Variants in PRRX2 observed in about 807,000 individuals in gnomAD.
PRRX2 encodes paired related homeobox 2.
Under a neutral mutation model 18.0 loss-of-function variants are expected in PRRX2, and 11 were observed. The ratio of observed to expected loss-of-function variants is 0.61; its 90% CI spans 0.39 to 1.01. PRRX2 has a LOEUF of 1.01. Among genes scored for constraint, PRRX2 ranks in the 50% least tolerant of loss-of-function variants. PRRX2 has a pLI of 0.01. For missense variants in PRRX2, 387 were observed against 351.0 expected (o/e 1.10, Z -0.82); for synonymous variants, 177 against 154.8 (o/e 1.14, Z -1.06).
At chr9:129,707,716 A>C (rs1294287112) in intron 1 of PRRX2, among the ~76,000 whole-genome samples, 1 of 150,810 alleles carries the variant, frequency 6.6e-6, no homozygotes, top group Non-Finnish European at 1.5e-5. Context: ...GCTTGAACCC[A>C]GGAGGAGGAG....
chr9:129,717,230 C>CTTTGT (rs938390388), intron 1 of PRRX2, among the ~76,000 whole-genome samples: 3 of 151,872 alleles, frequency 2.0e-5, no homozygotes, highest in Non-Finnish European at 2.9e-5. Flanking sequence ...TTGTCTTTGT[C>CTTTGT]TTTGTTTTGT....
rs1832696141 is a variant in PRRX2, at chr9:129,715,747, T to TCTCTCTCTC, written c.260-3484_260-3483insCTCTCTCTC. Among the ~76,000 whole-genome samples the TCTCTCTCTC allele has an allele frequency of 8.9e-6, 1 of 112,684 alleles. No individual in the cohort carries two copies. The highest frequency in any genetic ancestry group is 3.3e-5 in the African/African-American group (1 of 30,636). 73.9% of individuals were successfully genotyped at this position (112,684 alleles called of 152,430 possible). On this transcript the variant is annotated intron_variant, in intron 1 of 3. Transcript: ENST00000372469. The surrounding 1 kb of genome is among the most constrained non-coding windows in gnomAD (Gnocchi z 4.0). ...TCCAAACCCAGCTTCAGGGACATCT[T>TCTCTCTCTC]TCTCACACACACACACACACACACA... is the stretch of plus-strand genomic sequence containing the variant.
Position 129,695,384 on chromosome 9 carries a change from G to C in PRRX2, c.260-23847G>C, listed in dbSNP as rs940698245. Among the ~76,000 whole-genome samples the C allele has an allele frequency of 6.6e-6, 1 of 152,258 alleles. No homozygotes were observed. Among genetic ancestry groups the C allele is most frequent in the Non-Finnish European group, 1.5e-5 (1 of 68,050 alleles). ...GGAAACTGTCTTTTCAAAGAGAGAGGCTGCGGAAATGGCAGATGCTTGAAG... is the reference window on the plus strand; with the variant it reads ...GGAAACTGTCTTTTCAAAGAGAGAGCCTGCGGAAATGGCAGATGCTTGAAG... On this transcript the variant is annotated intron_variant, in intron 1 of 3. Transcript: ENST00000372469. This position sits in a 1 kb window ranked among gnomAD's most constrained non-coding sequence, Gnocchi z 4.8.
intron 1 of PRRX2, among the ~76,000 whole-genome samples, chr9:129,689,783 T>C (rs60202559): frequency 6.6e-6 from 1 of 151,914 alleles, no homozygotes; most frequent in Non-Finnish European, 1.5e-5. Context: ...GACGGAGTCT[T>C]ACTCTTTCGC....
intron 1 of PRRX2, among the ~76,000 whole-genome samples, chr9:129,668,708 C>T (rs1397482523): frequency 8.7e-5 from 12 of 137,932 alleles, no homozygotes; most frequent in South Asian, 2.3e-4. Context: ...ACCCGGGAGG[C>T]GGAGGTTGCA....
intron 1 of PRRX2, among the ~76,000 whole-genome samples, chr9:129,679,556 G>A (rs531352597): frequency 2.6e-5 from 4 of 152,174 alleles, no homozygotes; most frequent in Non-Finnish European, 2.9e-5. Context: ...CAGTAAGTAC[G>A]TGGGGGCACC....
rs1247523364 is a variant in PRRX2 at position 129,665,821 on chromosome 9, A to T, written c.-47A>T. 7 of 1,020,762 alleles carry T rather than the reference A, an allele frequency of 6.9e-6. No homozygotes were observed. The highest frequency in any genetic ancestry group is 5.8e-5 in the Admixed American group (1 of 17,358). 63.2% of individuals were successfully genotyped at this position (1,020,762 alleles called of 1,614,324 possible). A position where few individuals can be genotyped will look rare whatever the true frequency, so the allele number is the denominator to read the frequency against. The stretch of plus-strand genomic sequence containing the variant: ...ACCCGCGCCCGCGACCCTTCCTGGG[A>T]CCCGAGCCCGAGACCCCCGCCGGCC... On this transcript the variant is annotated 5_prime_UTR_variant, in exon 1 of 4. Transcript: ENST00000372469. The surrounding 1 kb of genome is among the most constrained non-coding windows in gnomAD (Gnocchi z 5.3).
chr9:129,683,310 A>G (rs1832257089), intron 1 of PRRX2, among the ~76,000 whole-genome samples: 1 of 152,178 alleles, frequency 6.6e-6, no homozygotes, highest in Admixed American at 6.5e-5. Flanking sequence ...AGATATTGAC[A>G]TTTCCATTTT....
chr9:129,719,525 C>T, intron 2 of PRRX2, 107 bp downstream of exon 2: 1 of 1,313,708 alleles, frequency 7.6e-7, no homozygotes, highest in Non-Finnish European at 9.9e-7. Flanking sequence ...TGAGCAGGAG[C>T]ATCTGAGGCC....
In PRRX2 at chr9:129,719,294, G is replaced by C; in HGVS notation, c.323G>C (p.Arg108Pro). Residue 108 changes from arginine (R) to proline (P), a missense_variant, in exon 2 of 4, where the codon CGC (arginine) becomes CCC (proline). By Grantham distance (103) the Arg-to-Pro change is moderately radical (BLOSUM62 -2). Transcript: ENST00000372469. ...AKRKKKQRRN[R>P]TTFNSSQLQA... ...CGGAAGAAGAAGCAGCGGCGGAACC[G>C]CACCACGTTCAACAGCAGCCAACTG... The C allele has an allele frequency of 6.2e-7, 1 of 1,610,560 alleles. No homozygotes were observed. Among genetic ancestry groups the C allele is most frequent in the Non-Finnish European group, 8.5e-7 (1 of 1,178,934 alleles).
intron 1 of PRRX2, among the ~76,000 whole-genome samples, chr9:129,672,944 A>G (rs952843020): frequency 1.3e-5 from 2 of 151,886 alleles, no homozygotes; most frequent in Non-Finnish European, 2.9e-5. Context: ...TTTTCCGAAC[A>G]CCTATAATGT....
At chr9:129,692,561 C>G (rs1832374454) in intron 1 of PRRX2, among the ~76,000 whole-genome samples, 1 of 152,190 alleles carries the variant, frequency 6.6e-6, no homozygotes, top group South Asian at 2.1e-4. Flanking sequence ...GCCTCTTCAT[C>G]CGTCCCTCCT....
At chr9:129,704,105 C>T (rs1832531419) in intron 1 of PRRX2, among the ~76,000 whole-genome samples, 1 of 152,232 alleles carries the variant, frequency 6.6e-6, no homozygotes, top group Non-Finnish European at 1.5e-5. Flanking sequence ...TACAACATTG[C>T]ATGCAAACTT....
chr9:129,684,506 A>C (rs996031739), intron 1 of PRRX2, among the ~76,000 whole-genome samples: 2 of 55,028 alleles, frequency 3.6e-5, no homozygotes, highest in Non-Finnish European at 1.0e-4. Flanking sequence ...ACACACACAC[A>C]CACACACACA....
intron 2 of PRRX2, 47 bp downstream of exon 2, chr9:129,719,465 C>T (rs778153631): frequency 6.2e-6 from 9 of 1,441,168 alleles, no homozygotes; most frequent in Non-Finnish European, 7.3e-6. Context: ...CGCGTGGGAG[C>T]GCACAGCCAC....
chr9:129,708,322 G>A (rs1832580996), intron 1 of PRRX2, among the ~76,000 whole-genome samples: 1 of 152,206 alleles, frequency 6.6e-6, no homozygotes, highest in African/African-American at 2.4e-5. Context: ...ACAGGCCTGA[G>A]CCACCATGCA....
At chr9:129,684,250 A>G (rs1832268406) in intron 1 of PRRX2, among the ~76,000 whole-genome samples, 1 of 152,140 alleles carries the variant, frequency 6.6e-6, no homozygotes, top group Non-Finnish European at 1.5e-5. Context: ...GACTGGTCCC[A>G]GCTAGCTTAA....
chr9:129,707,118 T>TG (rs1435442563), intron 1 of PRRX2, among the ~76,000 whole-genome samples: 1 of 151,930 alleles, frequency 6.6e-6, no homozygotes, highest in Non-Finnish European at 1.5e-5. Flanking sequence ...TAGCCAGGCA[T>TG]GGTGGCTGGC....
chr9:129,721,251 G>A (rs574755252), intron 3 of PRRX2, among the ~76,000 whole-genome samples: 1 of 152,164 alleles, frequency 6.6e-6, no homozygotes, highest in Non-Finnish European at 1.5e-5. Context: ...AGAAACTGAC[G>A]CTGGGAGGGC....
Sources: gnomAD v4.1 joint callset for allele counts (sites outside exome capture counted in the v4.1 genomes callset) on GRCh38, gnomAD v4.1.1 for gene constraint, Gnocchi (gnomAD v3.1) non-coding constraint, MANE v1.5 for transcripts, NCBI Gene and HGNC (gene_info 2026-07-23, HGNC 2026-07-21) for gene names.